RBM15: variants seen among roughly 807,000 people sequenced by gnomAD.
The protein encoded by RBM15 is RNA binding motif protein 15, also known as RNA-binding protein 15.
RBM15 carries 8 observed loss-of-function variants against 62.6 expected under a neutral mutation model. The ratio of observed to expected loss-of-function variants is 0.13; its 90% CI spans 0.07 to 0.23. The LOEUF (loss-of-function observed/expected upper bound fraction) is 0.23. Among genes scored for constraint, RBM15 ranks in the 10% least tolerant of loss-of-function variants. The pLI, the probability that RBM15 is intolerant of heterozygous loss-of-function variation, is 1.00. For missense variants in RBM15, 1,144 were observed against 1,286.5 expected (o/e 0.89, Z 1.69); for synonymous variants, 606 against 505.7 (o/e 1.20, Z -2.66).
In RBM15 at chr1:110,340,253, C is replaced by T; in HGVS notation, c.848C>T (p.Pro283Leu). 6.2e-7 allele frequency: 1 copy of T among 1,614,210 alleles called. No individual in the cohort carries two copies. The highest frequency in any genetic ancestry group is 8.5e-7 in the Non-Finnish European group (1 of 1,180,038). ...GCCTCTGTAGGTGGTCACCGGCACC[C>T]CCCTGGAGGTGGTGGAGGCCAGAGA... ...VGASVGGHRH[P>L]PGGGGGQRSL... is the part of the protein sequence containing the mutation. Residue 283 changes from proline to leucine, a missense_variant, in exon 1 of 3, where the codon CCC becomes CTC. This residue lies in a region of RBM15 where 188 missense variants were observed against 185.6 expected (regional missense o/e 1.01). Transcript: ENST00000369784. The surrounding 1 kb of genome is among the most constrained non-coding windows in gnomAD (Gnocchi z 5.8).
rs758322853 is a variant in RBM15, at chr1:110,340,623, G to A, written c.1218G>A (p.Lys406=). The A allele has an allele frequency of 3.7e-6, 6 of 1,614,100 alleles. No individual in the cohort carries two copies. In the South Asian group the frequency reaches 5.5e-5, roughly 15 times the overall value. ...RFGVITEVDI[K]RPSRGQTSTY... ...GAGTCATCACAGAAGTAGATATCAA[G>A]AGGCCTTCTCGCGGCCAGACTAGTA... is the stretch of plus-strand genomic sequence containing the variant. Residue 406 remains lysine, a synonymous_variant, in exon 1 of 3, where the codon AAG becomes AAA. Transcript: ENST00000369784. This position sits in a 1 kb window ranked among gnomAD's most constrained non-coding sequence, Gnocchi z 5.8.
chr1:110,339,399 T>C lies in RBM15; in HGVS notation c.-7T>C, dbSNP rs1478648005. The C allele has an allele frequency of 1.3e-6, 2 of 1,508,598 alleles. No homozygotes were observed. Among genetic ancestry groups the C allele is most frequent in the Admixed American group, 4.6e-5 (2 of 43,714 alleles). The allele number at this position is 1,508,598 out of a possible 1,614,324, so 93.5% of individuals were successfully genotyped here. A position where few individuals can be genotyped will look rare whatever the true frequency, so the allele number is the denominator to read the frequency against. On this transcript the variant is annotated 5_prime_UTR_variant, in exon 1 of 3. Coordinates refer to ENST00000369784, the MANE Select transcript of RBM15 (RefSeq NM_022768.5). ...AATGAGACTGTAGAAGAGAGAGCAA[T>C]TGGCCAATGAGGACTGCGGGGCGGG...
At position 110,346,483 on chromosome 1, in the gene RBM15, T is replaced by G; in HGVS notation, c.*216T>G. 1 of 825,232 alleles carries G rather than the reference T, an allele frequency of 1.2e-6. No homozygotes were observed. Among genetic ancestry groups the G allele is most frequent in the Non-Finnish European group, 2.0e-6 (1 of 501,126 alleles). The allele number at this position is 825,232 out of a possible 1,614,324, so 51.1% of individuals were successfully genotyped here. On this transcript the variant is annotated 3_prime_UTR_variant, in exon 3 of 3. Transcript: ENST00000369784. ...GCTTAAAGTTGTGTATCTGCTATTG[T>G]GATGCCAATGCCGGTGTTTTAAGTG...
chr1:110,340,374 G>A lies in RBM15; in HGVS notation c.969G>A (p.Leu323=), dbSNP rs370847555. Residue 323 remains leucine (L), a synonymous_variant, in exon 1 of 3, where the codon TTG becomes TTA. Coordinates refer to ENST00000369784, the MANE Select transcript of RBM15 (RefSeq NM_022768.5). This position sits in a 1 kb window ranked among gnomAD's most constrained non-coding sequence, Gnocchi z 5.8. ...GRLPPPPPPP[L]PRDLERERDY... ...TGCCCCCTCCACCTCCGCCACCATT[G>A]CCTCGAGACCTGGAGAGAGAAAGAG... 6.2e-7 allele frequency: 1 copy of A among 1,614,058 alleles called. No homozygotes were observed. The highest frequency in any genetic ancestry group is 1.3e-5 in the African/African-American group (1 of 74,914).
At position 110,339,436 on chromosome 1, in the gene RBM15, C is replaced by A; in HGVS notation, c.31C>A (p.Arg11=). The A allele has an allele frequency of 1.3e-6, 2 of 1,534,042 alleles. No individual in the cohort carries two copies. Among genetic ancestry groups the A allele is most frequent in the Non-Finnish European group, 8.8e-7 (1 of 1,138,396 alleles). MRTAGRDPVP[R]RSPRWRRAVP... is the part of the protein sequence containing the mutation. ...GACTGCGGGGCGGGACCCTGTGCCG[C>A]GGCGGAGTCCAAGATGGCGGCGTGC... is the stretch of plus-strand genomic sequence containing the variant. The change falls in exon 1 of 3, where the codon CGG becomes AGG. Residue 11 remains arginine (R), a synonymous_variant. Transcript: ENST00000369784.
Position 110,340,292 on chromosome 1 carries a change from G to C in RBM15, c.887G>C (p.Gly296Ala). ...GGAGGCCAGAGATCACTTTCCCCTGGTGGCGCTGCTTTGGGATACAGAGAC... is the reference window on the plus strand; with the variant it reads ...GGAGGCCAGAGATCACTTTCCCCTGCTGGCGCTGCTTTGGGATACAGAGAC... Reference protein sequence around the residue: ...GGGGQRSLSPGGAALGYRDYR... With the variant: ...GGGGQRSLSPAGAALGYRDYR... Residue 296 changes from glycine (G) to alanine (A), a missense_variant, in exon 1 of 3, where the codon GGT becomes GCT. Transcript: ENST00000369784. The surrounding 1 kb of genome is among the most constrained non-coding windows in gnomAD (Gnocchi z 5.8). 6.2e-7 allele frequency: 1 copy of C among 1,614,224 alleles called. No homozygotes were observed. Among genetic ancestry groups the C allele is most frequent in the Non-Finnish European group, 8.5e-7 (1 of 1,180,028 alleles).
intron 1 of RBM15, chr1:110,342,816 G>A (rs1300627045): frequency 6.6e-6 from 1 of 152,320 alleles, no homozygotes; most frequent in Non-Finnish European, 1.5e-5. Flanking sequence ...TCAGGTATTT[G>A]AGTATTTCTT....
Position 110,340,645 on chromosome 1 carries a change from A to C in RBM15, c.1240A>C (p.Ser414Arg). 6.2e-7 allele frequency: 1 copy of C among 1,614,226 alleles called. No homozygotes were observed. Among genetic ancestry groups the C allele is most frequent in the Non-Finnish European group, 8.5e-7 (1 of 1,180,026 alleles). ...CAAGAGGCCTTCTCGCGGCCAGACT[A>C]GTACTTACGGCTTTCTCAAATTTGA... Reference protein sequence around the residue: ...DIKRPSRGQTSTYGFLKFENL... With the variant: ...DIKRPSRGQTRTYGFLKFENL... The change falls in exon 1 of 3, where the codon AGT becomes CGT. Residue 414 changes from serine (S) to arginine (R), a missense_variant. Ser to Arg is a moderately radical substitution (Grantham distance 110, BLOSUM62 -1). Transcript: ENST00000369784. The surrounding 1 kb of genome is among the most constrained non-coding windows in gnomAD (Gnocchi z 5.8).
rs1660808950 is a variant in RBM15 at position 110,341,991 on chromosome 1, T to C, written c.2586T>C (p.Ala862=). 6.2e-7 allele frequency: 1 copy of C among 1,614,222 alleles called. No homozygotes were observed. The highest frequency in any genetic ancestry group is 1.1e-5 in the South Asian group (1 of 91,090). Reference sequence around the variant, plus strand: ...CCAATGGTTATGCCATTCTTTTGGCTGTGCCTGGAAGTTCTGACAGCCGGT... The same window carrying C: ...CCAATGGTTATGCCATTCTTTTGGCCGTGCCTGGAAGTTCTGACAGCCGGT... ...AGPNGYAILL[A]VPGSSDSRSS... is the part of the protein sequence containing the mutation. The change falls in exon 1 of 3, where the codon GCT becomes GCC. Residue 862 remains alanine, a synonymous_variant. Coordinates refer to ENST00000369784, the MANE Select transcript of RBM15 (RefSeq NM_022768.5). This position sits in a 1 kb window ranked among gnomAD's most constrained non-coding sequence, Gnocchi z 4.5.
Position 110,340,656 on chromosome 1 carries a change from C to T in RBM15, c.1251C>T (p.Gly417=), listed in dbSNP as rs375971671. ...CTCGCGGCCAGACTAGTACTTACGGCTTTCTCAAATTTGAGAACTTAGATA... is the reference window on the plus strand; with the variant it reads ...CTCGCGGCCAGACTAGTACTTACGGTTTTCTCAAATTTGAGAACTTAGATA... ...RPSRGQTSTY[G]FLKFENLDMS... The change falls in exon 1 of 3, where the codon GGC becomes GGT. Residue 417 remains glycine, a synonymous_variant. Transcript: ENST00000369784. This position sits in a 1 kb window ranked among gnomAD's most constrained non-coding sequence, Gnocchi z 5.8. 3.1e-6 allele frequency: 5 copies of T among 1,614,214 alleles called. No individual in the cohort carries two copies. In the East Asian group the frequency reaches 6.7e-5, roughly 22 times the overall value.
intron 1 of RBM15, among the ~76,000 whole-genome samples, chr1:110,345,039 T>TA (rs2100942061): frequency 6.6e-6 from 1 of 152,354 alleles, no homozygotes; most frequent in East Asian, 1.9e-4. Flanking sequence ...TTCCTATAAA[T>TA]AATTTTTCAC....
chr1:110,344,261 CACTA>C lies in RBM15; in HGVS notation c.2864-1275_2864-1272del, dbSNP rs540319158. Among the ~76,000 whole-genome samples, 219 of 152,288 alleles carry C rather than the reference CACTA, an allele frequency of 1.4e-3. 1 individual carries two copies. The highest frequency in any genetic ancestry group is 4.9e-3 in the African/African-American group (204 of 41,572). On this transcript the variant is annotated intron_variant, in intron 1 of 2. Coordinates refer to ENST00000369784, the MANE Select transcript of RBM15 (RefSeq NM_022768.5). The stretch of plus-strand genomic sequence containing the variant: ...TACATTTTTCCAGTTTAAATAAACT[CACTA>C]ACCATTAATTTTTGAATATCTTTTG...
chr1:110,341,960 C>A lies in RBM15; in HGVS notation c.2555C>A (p.Ala852Glu). 6.2e-7 allele frequency: 1 copy of A among 1,614,236 alleles called. No homozygotes were observed. The highest frequency in any genetic ancestry group is 1.3e-5 in the African/African-American group (1 of 75,060). ...GAAGTAACTCGACGCATCAAAGTAG[C>A]AGGGCCCAATGGTTATGCCATTCTT... ...LDEVTRRIKV[A>E]GPNGYAILLA... is the part of the protein sequence containing the mutation. Residue 852 changes from alanine (A) to glutamate (E), a missense_variant, in exon 1 of 3, where the codon GCA becomes GAA. By Grantham distance (107) the Ala-to-Glu change is moderately radical. Around this residue, in one of 8 missense-constraint regions of RBM15, gnomAD observed 144 missense variants for 223.3 expected, o/e 0.64. Coordinates refer to ENST00000369784, the MANE Select transcript of RBM15 (RefSeq NM_022768.5). This position sits in a 1 kb window ranked among gnomAD's most constrained non-coding sequence, Gnocchi z 4.5.
chr1:110,342,405 TA>T (rs2101143796), intron 1 of RBM15, 137 bp downstream of exon 1: 1 of 626,478 alleles, frequency 1.6e-6, no homozygotes, highest in Non-Finnish European at 2.5e-6. Flanking sequence ...TTTATATTTT[TA>T]TAAACGTCTT....
Position 110,341,308 on chromosome 1 carries a change from A to G in RBM15, c.1903A>G (p.Ser635Gly). 2 of 1,614,166 alleles carry G rather than the reference A, an allele frequency of 1.2e-6. No homozygotes were observed. Among genetic ancestry groups the G allele is most frequent in the Non-Finnish European group, 1.7e-6 (2 of 1,180,018 alleles). ...CAGAGGTGATCGAGATCTGCCCAGC[A>G]GCAGAGACCAGCCTAGGAAGCGAAG... ...RDRGDRDLPS[S>G]RDQPRKRRLP... The change falls in exon 1 of 3, where the codon AGC becomes GGC. Residue 635 changes from serine to glycine, a missense_variant. Coordinates refer to ENST00000369784, the MANE Select transcript of RBM15 (RefSeq NM_022768.5). This position sits in a 1 kb window ranked among gnomAD's most constrained non-coding sequence, Gnocchi z 4.5.
At chr1:110,344,340 GACATCT>G (rs1660859068) in intron 1 of RBM15, among the ~76,000 whole-genome samples, 1 of 152,140 alleles carries the variant, frequency 6.6e-6, no homozygotes, top group Admixed American at 6.5e-5. Flanking sequence ...TGAAGTCCAT[GACATCT>G]AATTTTACTG....
intron 2 of RBM15, 39 bp from the exon 3 acceptor site, chr1:110,346,269 A>G: frequency 1.3e-6 from 2 of 1,579,810 alleles, no homozygotes; most frequent in Non-Finnish European, 1.7e-6. Context: ...TATTGTAAAC[A>G]TTTGTACTGA....
rs1304176268 is a variant in RBM15 at position 110,340,268 on chromosome 1, G to A, written c.863G>A (p.Gly288Glu). 1 of 1,614,234 alleles carries A rather than the reference G, an allele frequency of 6.2e-7. No homozygotes were observed. The highest frequency in any genetic ancestry group is 8.5e-7 in the Non-Finnish European group (1 of 1,180,044). The change falls in exon 1 of 3, where the codon GGA becomes GAA. Residue 288 changes from glycine to glutamate, a missense_variant. Gly to Glu is a moderately conservative substitution (Grantham distance 98, BLOSUM62 -2). Coordinates refer to ENST00000369784, the MANE Select transcript of RBM15 (RefSeq NM_022768.5). The surrounding 1 kb of genome is among the most constrained non-coding windows in gnomAD (Gnocchi z 5.8). ...GGHRHPPGGGGGQRSLSPGGA... is the reference protein window; with the variant it reads ...GGHRHPPGGGEGQRSLSPGGA... ...CACCGGCACCCCCCTGGAGGTGGTG[G>A]AGGCCAGAGATCACTTTCCCCTGGT...
Position 110,342,155 on chromosome 1 carries a change from C to T in RBM15, c.2750C>T (p.Thr917Ile). 1 of 1,614,140 alleles carries T rather than the reference C, an allele frequency of 6.2e-7. No homozygotes were observed. The highest frequency in any genetic ancestry group is 8.5e-7 in the Non-Finnish European group (1 of 1,179,980). ...PVGGNKDKEN[T>I]GVLHAFPPCE... ...GGGGGCAACAAAGACAAGGAAAACA[C>T]CGGGGTCCTTCATGCCTTCCCACCT... Residue 917 changes from threonine to isoleucine, a missense_variant, in exon 1 of 3, where the codon ACC (threonine) becomes ATC (isoleucine). By Grantham distance (89) the Thr-to-Ile change is moderately conservative (BLOSUM62 -1). Coordinates refer to ENST00000369784, the MANE Select transcript of RBM15 (RefSeq NM_022768.5).
Sources: allele counts gnomAD v4.1 joint callset (sites outside exome capture counted in the v4.1 genomes callset), GRCh38; gene constraint gnomAD v4.1.1; regional missense constraint gnomAD v4.1.1; non-coding constraint Gnocchi (gnomAD v3.1); transcripts MANE v1.5; gene names NCBI Gene and HGNC (gene_info 2026-07-23, HGNC 2026-07-21).